CUL1: variants seen among roughly 807,000 people sequenced by gnomAD.
CUL1 encodes the protein cullin-1.
A neutral mutation model predicts 118.0 loss-of-function variants in CUL1; 24 were observed. The ratio of observed to expected loss-of-function variants is 0.20; its 90% confidence interval spans 0.15 to 0.29. CUL1 has a LOEUF of 0.29. CUL1 is among the 10% of genes least tolerant of loss of function. The pLI is 1.00. For synonymous variants in CUL1, 332 were observed against 340.4 expected, an observed-to-expected ratio of 0.98 and a Z score of 0.27; for missense variants, 361 against 933.8, an observed-to-expected ratio of 0.39 and a Z score of 7.99.
At chr7:148,718,734 G>C (rs1033344955) in intron 1 of CUL1, among the ~76,000 whole-genome samples, 3 of 152,114 alleles carry the variant, frequency 2.0e-5, no homozygotes, top group Non-Finnish European at 4.4e-5. Flanking sequence ...TTTGTTTTTG[G>C]GGGGTAGATA....
chr7:148,738,172 A>G (rs367986442), intron 2 of CUL1, among the ~76,000 whole-genome samples: 22 of 152,194 alleles, frequency 1.4e-4, no homozygotes, highest in African/African-American at 4.3e-4. Context: ...TGTGGGTAAC[A>G]GAGACATTTG....
intron 16 of CUL1, 51 bp from the exon 17 acceptor site, chr7:148,792,675 T>G (rs534533939): frequency 2.5e-5 from 33 of 1,344,970 alleles, no homozygotes; most frequent in Non-Finnish European, 2.7e-5. Context: ...GGGAGGTGTT[T>G]CCATGCATGT....
At chr7:148,719,361 G>T (rs896278020) in intron 1 of CUL1, among the ~76,000 whole-genome samples, 1 of 152,098 alleles carries the variant, frequency 6.6e-6, no homozygotes, top group Non-Finnish European at 1.5e-5. Context: ...CCATCTATTA[G>T]GGTGTTAGTT....
intron 2 of CUL1, among the ~76,000 whole-genome samples, chr7:148,731,224 T>C (rs996799675): frequency 6.6e-6 from 1 of 152,170 alleles, no homozygotes; most frequent in Non-Finnish European, 1.5e-5. Flanking sequence ...AATATGACAT[T>C]GAAATTAGAG....
chr7:148,733,048 C>T (rs1046225156), intron 2 of CUL1, among the ~76,000 whole-genome samples: 8 of 152,164 alleles, frequency 5.3e-5, no homozygotes, highest in African/African-American at 1.9e-4. Context: ...TCACCTTTCT[C>T]TGTGGATAAG....
At chr7:148,748,683 G>A (rs556382771) in intron 2 of CUL1, among the ~76,000 whole-genome samples, 1 of 152,270 alleles carries the variant, frequency 6.6e-6, no homozygotes, top group South Asian at 2.1e-4. Flanking sequence ...AATAGTTAGA[G>A]ATGGGCATTG....
At chr7:148,755,683 A>G (rs1329514889) in intron 3 of CUL1, among the ~76,000 whole-genome samples, 2 of 152,234 alleles carry the variant, frequency 1.3e-5, no homozygotes, top group South Asian at 2.1e-4. Flanking sequence ...TGACCATGCC[A>G]TCAGTGATAT....
intron 17 of CUL1, among the ~76,000 whole-genome samples, chr7:148,793,464 G>A (rs545760643): frequency 6.6e-6 from 1 of 152,094 alleles, no homozygotes; most frequent in South Asian, 2.1e-4. Context: ...GTAACTGCCC[G>A]CTAGCTCCCA....
chr7:148,709,541 A>G (rs1055557663), intron 1 of CUL1, among the ~76,000 whole-genome samples: 4 of 152,260 alleles, frequency 2.6e-5, no homozygotes, highest in African/African-American at 7.2e-5. Flanking sequence ...TATGTTTTCA[A>G]CTGGGAACAT....
intron 1 of CUL1, among the ~76,000 whole-genome samples, chr7:148,725,209 A>ACGCGCGCGCGCGCG (rs1459869213): frequency 2.1e-5 from 3 of 140,366 alleles, no homozygotes; most frequent in African/African-American, 8.6e-5. Flanking sequence ...ACACACACAC[A>ACGCGCGCGCGCGCG]CACGCGCGCG....
rs149923937 is a variant in CUL1, at chr7:148,727,449, T to C, written c.-161-2513T>C. ...TTCAATTCCTTGATTTATTCCTTCATTTATTTATGTAAAATATGTATTGAG... is the reference window on the plus strand; with the variant it reads ...TTCAATTCCTTGATTTATTCCTTCACTTATTTATGTAAAATATGTATTGAG... On this transcript the variant is annotated intron_variant, in intron 1 of 21. Transcript: ENST00000325222. 7.7e-4 allele frequency among the ~76,000 whole-genome samples: 118 copies of C among 152,378 alleles called. 3 individuals carry two copies. The East Asian group carries it at 0.02, about 25-fold the overall frequency.
At chr7:148,698,563 G>A (rs1165795892), upstream of CUL1, 1 of 151,974 alleles carries the variant, frequency 6.6e-6, no homozygotes. Flanking sequence ...CCACGCGAGC[G>A]GGGGCCTCGG....
intron 1 of CUL1, among the ~76,000 whole-genome samples, chr7:148,722,396 C>T (rs943942694): frequency 3.3e-5 from 5 of 152,160 alleles, no homozygotes; most frequent in African/African-American, 4.8e-5. Flanking sequence ...TCCATGAATG[C>T]GAAACTCCTC....
intron 3 of CUL1, among the ~76,000 whole-genome samples, chr7:148,755,939 C>G (rs4726991): frequency 0.048 from 7,292 of 152,286 alleles, 264 homozygotes; most frequent in Middle Eastern, 0.078. Context: ...TCGCCCCAGC[C>G]CTTCCTGCAG....
At chr7:148,719,595 C>G (rs1424195984) in intron 1 of CUL1, among the ~76,000 whole-genome samples, 1 of 152,082 alleles carries the variant, frequency 6.6e-6, no homozygotes, top group African/African-American at 2.4e-5. Flanking sequence ...GATGCTGGTC[C>G]CTGTCCTGGC....
intron 9 of CUL1, among the ~76,000 whole-genome samples, 173 bp downstream of exon 9, chr7:148,767,922 A>G (rs1215357094): frequency 1.3e-5 from 2 of 152,190 alleles, no homozygotes; most frequent in Non-Finnish European, 2.9e-5. Context: ...TTGTTTAGTA[A>G]ATACCTCCGT....
intron 9 of CUL1, among the ~76,000 whole-genome samples, chr7:148,775,086 G>A (rs1800353847): frequency 6.6e-6 from 1 of 152,194 alleles, no homozygotes; most frequent in South Asian, 2.1e-4. Flanking sequence ...AATTATAAAA[G>A]CCCAGTCATG....
chr7:148,760,388 G>A lies in CUL1; in HGVS notation c.681G>A (p.Val227=). 1.2e-6 allele frequency: 2 copies of A among 1,613,580 alleles called. No individual in the cohort carries two copies. The highest frequency in any genetic ancestry group is 1.1e-5 in the South Asian group (1 of 91,022). ...TTGCAAAGGGCCCTACGTTAACAGT[G>A]TATAAAGAATCCTTTGAATCTCAAT... is the stretch of plus-strand genomic sequence containing the variant. The part of the protein sequence containing the change: ...DAFAKGPTLT[V]YKESFESQFL... The change falls in exon 7 of 22, where the codon GTG becomes GTA. Residue 227 remains valine, a synonymous_variant. Coordinates refer to ENST00000325222, the MANE Select transcript of CUL1 (RefSeq NM_003592.3).
intron 1 of CUL1, among the ~76,000 whole-genome samples, chr7:148,709,066 G>A (rs1326807248): frequency 6.6e-6 from 1 of 152,192 alleles, no homozygotes; most frequent in African/African-American, 2.4e-5. Context: ...GCGTGTATGT[G>A]TAACTAGGAT....
Sources: allele counts gnomAD v4.1 joint callset (sites outside exome capture counted in the v4.1 genomes callset), GRCh38; gene constraint gnomAD v4.1.1; transcripts MANE v1.5; gene names NCBI Gene and HGNC (gene_info 2026-07-23, HGNC 2026-07-21).